The following SCTR variants were observed in gnomAD, a reference collection of about 807,000 sequenced individuals.
SCTR encodes the protein pancreatic secretin receptor.
SCTR carries 56 observed loss-of-function variants against 60.8 expected under a neutral mutation model. The observed-to-expected ratio is 0.92, with a 90% CI of 0.74 to 1.15. SCTR has a LOEUF of 1.15. Among genes scored for constraint, SCTR ranks in the 50% most tolerant of loss-of-function variants. The pLI is 0.00. For missense variants in SCTR, 562 were observed against 550.4 expected (o/e 1.02, Z -0.21); for synonymous variants, 202 against 217.0 (o/e 0.93, Z 0.61).
chr2:119,524,045 C>G (rs2104970403), intron 1 of SCTR, 110 bp downstream of exon 1: 1 of 804,782 alleles, frequency 1.2e-6, no homozygotes, highest in East Asian at 2.9e-5. Context: ...CCCTATTCCT[C>G]ATGGGAAGAT....
intron 1 of SCTR, among the ~76,000 whole-genome samples, chr2:119,519,630 C>T (rs916044933): frequency 1.3e-5 from 2 of 151,514 alleles, no homozygotes; most frequent in Non-Finnish European, 2.9e-5. Flanking sequence ...TGTGGTGAAA[C>T]CCCATCTCTA....
intron 1 of SCTR, among the ~76,000 whole-genome samples, chr2:119,503,264 A>G (rs1678615994): frequency 1.3e-5 from 2 of 152,142 alleles, no homozygotes; most frequent in Admixed American, 1.3e-4. Context: ...AAGTGAAAGA[A>G]GTCAATCTAA....
intron 7 of SCTR, among the ~76,000 whole-genome samples, chr2:119,457,233 A>T (rs7602772): frequency 0.013 from 2,034 of 152,056 alleles, 37 homozygotes; most frequent in African/African-American, 0.038. Flanking sequence ...TATATATATA[A>T]AAAGCAAAGG....
At chr2:119,508,383 C>CTTTTTTTTTTTTTTTTTTT (rs34070844) in intron 1 of SCTR, among the ~76,000 whole-genome samples, 4 of 77,374 alleles carry the variant, frequency 5.2e-5, no homozygotes, top group African/African-American at 5.4e-5. Flanking sequence ...TCTTCTTCTT[C>CTTTTTTTTTTTTTTTTTTT]TTTTTTTTTT....
chr2:119,462,867 G>C (rs1487412147), intron 6 of SCTR, among the ~76,000 whole-genome samples: 1 of 152,220 alleles, frequency 6.6e-6, no homozygotes, highest in East Asian at 1.9e-4. Flanking sequence ...TGGTTGACTT[G>C]TGAGTCTAAT....
At chr2:119,469,785 AC>A (rs1232331823) in intron 4 of SCTR, among the ~76,000 whole-genome samples, 1 of 151,986 alleles carries the variant, frequency 6.6e-6, no homozygotes, top group Admixed American at 6.6e-5. Flanking sequence ...GAGCCACCAC[AC>A]CCAGCCAGTC....
intron 11 of SCTR, among the ~76,000 whole-genome samples, chr2:119,442,733 G>A (rs2104748610): frequency 6.6e-6 from 1 of 151,804 alleles, no homozygotes; most frequent in South Asian, 2.1e-4. Context: ...AGAATCACCT[G>A]GGACCTTTTA....
chr2:119,511,092 A>C (rs1307716652), intron 1 of SCTR, among the ~76,000 whole-genome samples: 1 of 152,014 alleles, frequency 6.6e-6, no homozygotes, highest in African/African-American at 2.4e-5. Flanking sequence ...AGTCCTGGCT[A>C]CTTGGGAGGC....
intron 1 of SCTR, 93 bp from the exon 2 acceptor site, chr2:119,494,641 G>A (rs1678279236): frequency 1.5e-6 from 2 of 1,364,374 alleles, no homozygotes; most frequent in Non-Finnish European, 2.0e-6. Context: ...GATTCAATGG[G>A]GATTCAAGTA....
intron 7 of SCTR, among the ~76,000 whole-genome samples, chr2:119,453,593 A>AG (rs930422605): frequency 1.9e-4 from 29 of 152,326 alleles, no homozygotes; most frequent in Non-Finnish European, 2.4e-4. Context: ...ACTTGGTGTT[A>AG]GGGGTCTCCT....
chr2:119,462,363 G>A (rs1683646341), intron 6 of SCTR, among the ~76,000 whole-genome samples: 1 of 152,152 alleles, frequency 6.6e-6, no homozygotes, highest in South Asian at 2.1e-4. Context: ...AGGAAACCAA[G>A]GCCTAGAAAG....
chr2:119,452,113 A>C (rs2587692), intron 8 of SCTR, 34 bp from the exon 9 acceptor site: 2 of 1,407,640 alleles, frequency 1.4e-6, no homozygotes, highest in East Asian at 2.3e-5. Context: ...GGTTATGAGC[A>C]GGAGCTGTGG....
chr2:119,483,883 C>G (rs1437060444), intron 2 of SCTR, among the ~76,000 whole-genome samples: 1 of 151,974 alleles, frequency 6.6e-6, no homozygotes, highest in Admixed American at 6.6e-5. Context: ...GTGGAGGCTG[C>G]CTTGCACGGT....
At chr2:119,473,762 A>G (rs1677136439) in intron 3 of SCTR, among the ~76,000 whole-genome samples, 1 of 152,184 alleles carries the variant, frequency 6.6e-6, no homozygotes, top group South Asian at 2.1e-4. Context: ...CCAGAGCCCA[A>G]GCTCTTAAGC....
intron 11 of SCTR, among the ~76,000 whole-genome samples, chr2:119,444,039 A>G (rs924640990): frequency 6.6e-6 from 1 of 151,744 alleles, no homozygotes; most frequent in Non-Finnish European, 1.5e-5. Flanking sequence ...ATGAGTGGAT[A>G]CCGCTGAGGC....
intron 4 of SCTR, among the ~76,000 whole-genome samples, chr2:119,471,865 G>C (rs751856282): frequency 6.6e-6 from 1 of 152,164 alleles, no homozygotes; most frequent in Non-Finnish European, 1.5e-5. Context: ...CTTAATCCCT[G>C]AGCCTCAGTT....
intron 1 of SCTR, among the ~76,000 whole-genome samples, chr2:119,508,891 G>A (rs948058073): frequency 9.9e-5 from 15 of 152,170 alleles, no homozygotes; most frequent in Non-Finnish European, 1.5e-5. Context: ...ATTAACTTTA[G>A]TCATCATGTT....
chr2:119,512,340 CCCTTCTCCTTCTCCTTCT>C (rs58262510), intron 1 of SCTR, among the ~76,000 whole-genome samples: 104 of 55,088 alleles, frequency 1.9e-3, no homozygotes, highest in African/African-American at 3.3e-3. Context: ...CTTCCCCTTC[CCCTTCTCCTTCTCCTTCT>C]CCTTCTCCTT....
chr2:119,505,213 A>G (rs1008343966), intron 1 of SCTR, among the ~76,000 whole-genome samples: 14 of 151,992 alleles, frequency 9.2e-5, no homozygotes, highest in Non-Finnish European at 1.9e-4. Context: ...TCATGCTGCT[A>G]TAAAGACACA....
Sources: allele counts gnomAD v4.1 joint callset (sites outside exome capture counted in the v4.1 genomes callset), GRCh38; gene constraint gnomAD v4.1.1; transcripts MANE v1.5; gene names NCBI Gene and HGNC (gene_info 2026-07-23, HGNC 2026-07-21).